CUL2: variants seen among roughly 807,000 people sequenced by gnomAD.
CUL2 encodes the protein cullin-2.
CUL2 carries 22 observed loss-of-function variants against 110.2 expected under a neutral mutation model. That is an observed-to-expected ratio of 0.20 (90% CI 0.14 to 0.28). The LOEUF is 0.28. Among genes scored for constraint, CUL2 ranks in the 10% least tolerant of loss-of-function variants. CUL2 has a pLI of 1.00. For synonymous variants in CUL2, 279 were observed against 293.2 expected (o/e 0.95, Z 0.49); for missense variants, 631 against 905.5 (o/e 0.70, Z 3.89).
chr10:35,034,971 G>C (rs1243055323), intron 10 of CUL2, among the ~76,000 whole-genome samples: 1 of 152,228 alleles, frequency 6.6e-6, no homozygotes, highest in Non-Finnish European at 1.5e-5. Flanking sequence ...CTAAGCAGCA[G>C]CCTATCAATA....
At chr10:35,063,152 AC>A (rs2086426261) in intron 2 of CUL2, 90 bp from the exon 3 acceptor site, 2 of 756,836 alleles carry the variant, frequency 2.6e-6, no homozygotes, top group Non-Finnish European at 4.4e-6. Context: ...AAATGAAAAA[AC>A]ATTTCTTTTT....
intron 2 of CUL2, among the ~76,000 whole-genome samples, chr10:35,069,368 A>C (rs970012880): frequency 4.6e-5 from 7 of 151,838 alleles, no homozygotes; most frequent in African/African-American, 1.7e-4. Flanking sequence ...GTGAGAACTC[A>C]CCTCTACAAA....
At chr10:35,058,341 AC>A (rs979865782) in intron 4 of CUL2, among the ~76,000 whole-genome samples, 7 of 152,002 alleles carry the variant, frequency 4.6e-5, no homozygotes, top group African/African-American at 1.7e-4. Context: ...TATTAGCCAG[AC>A]CCCCGTGGTA....
intron 18 of CUL2, among the ~76,000 whole-genome samples, chr10:35,015,315 A>C (rs957485875): frequency 6.6e-6 from 1 of 151,608 alleles, no homozygotes. Context: ...AAAAAAATCC[A>C]TATTTTGCTA....
chr10:35,040,144 GCT>G (rs373152516), intron 8 of CUL2, among the ~76,000 whole-genome samples: 9 of 152,082 alleles, frequency 5.9e-5, no homozygotes, highest in Middle Eastern at 3.4e-3. Flanking sequence ...TAAGAGCGAG[GCT>G]CTGTCTCAAA....
chr10:35,041,077 G>A (rs2085774896), intron 8 of CUL2, among the ~76,000 whole-genome samples: 1 of 152,156 alleles, frequency 6.6e-6, no homozygotes, highest in African/African-American at 2.4e-5. Context: ...TGGTCTAGAG[G>A]ACAAAAGTGT....
chr10:35,107,610 C>T (rs147641470), intron 1 of CUL2, among the ~76,000 whole-genome samples: 4,108 of 151,846 alleles, frequency 0.027, 181 homozygotes, highest in African/African-American at 0.09. Flanking sequence ...GGGCCTGGCG[C>T]GGTGGCTCAT....
chr10:35,008,683 T>C lies in CUL2; in HGVS notation c.*1628A>G, dbSNP rs1177677936. 1 of 152,194 alleles carries C rather than the reference T, an allele frequency of 6.6e-6. No homozygotes were observed. The highest frequency in any genetic ancestry group is 1.5e-5 in the Non-Finnish European group (1 of 68,040). The allele number at this position is 152,194 out of a possible 1,614,324, so 9.4% of individuals were successfully genotyped here. On this transcript the variant is annotated 3_prime_UTR_variant, in exon 21 of 21. Transcript: ENST00000374749. ...GAAAGGTAAAATGAGAAATACATTA[T>C]ATAAGTCATTATAAGTTCAGTAGAT...
intron 1 of CUL2, chr10:35,074,389 T>A: frequency 3.1e-6 from 2 of 641,502 alleles, no homozygotes; most frequent in Non-Finnish European, 5.6e-6. Context: ...GCCTGATTCA[T>A]ACACTTGCCT....
intron 1 of CUL2, among the ~76,000 whole-genome samples, chr10:35,076,866 T>C (rs111998154): frequency 0.15 from 22,901 of 151,996 alleles, 1,976 homozygotes; most frequent in East Asian, 0.24. Context: ...CTGGCTGACA[T>C]GGTGAAACCC....
chr10:35,103,282 C>A (rs2087407543), intron 1 of CUL2, among the ~76,000 whole-genome samples: 3 of 146,978 alleles, frequency 2.0e-5, no homozygotes, highest in South Asian at 4.3e-4. Flanking sequence ...AGCTGGGACA[C>A]AGGCGCCCGC....
intron 1 of CUL2, among the ~76,000 whole-genome samples, chr10:35,086,200 A>C (rs2087061116): frequency 6.6e-6 from 1 of 151,854 alleles, no homozygotes; most frequent in African/African-American, 2.4e-5. Context: ...AAAAAAAAAA[A>C]GAAACAAGAA....
At chr10:35,010,540 G>T in intron 20 of CUL2, 98 bp from the exon 21 acceptor site, 2 of 1,224,750 alleles carry the variant, frequency 1.6e-6, no homozygotes, top group Non-Finnish European at 1.1e-6. Context: ...ATGTACTGAG[G>T]TTTCAACAAA....
Position 35,037,570 on chromosome 10 carries a change from G to C in CUL2, c.877+1350C>G, listed in dbSNP as rs918209375. The stretch of plus-strand genomic sequence containing the variant: ...GTTGCTGTAAAAAACACGGGGCCAA[G>C]GGTGGTGGCTCGTGTCTATAATCCC... On this transcript the variant is annotated intron_variant, in intron 9 of 20. Transcript: ENST00000374749. Among the ~76,000 whole-genome samples, 27 of 152,180 alleles carry C rather than the reference G, an allele frequency of 1.8e-4. 1 individual carries two copies. The highest frequency in any genetic ancestry group is 1.5e-5 in the Non-Finnish European group (1 of 68,032).
chr10:35,047,606 T>TG (rs1478941341), intron 6 of CUL2, among the ~76,000 whole-genome samples: 1 of 97,552 alleles, frequency 1.0e-5, no homozygotes, highest in Admixed American at 1.1e-4. Flanking sequence ...CAAGACTGTC[T>TG]CAAAAAAAAA....
At chr10:35,117,366 T>C (rs2087621394) in intron 1 of CUL2, among the ~76,000 whole-genome samples, 2 of 152,208 alleles carry the variant, frequency 1.3e-5, no homozygotes, top group African/African-American at 2.4e-5. Context: ...CTCTCGAGTA[T>C]TGGGACTATA....
intron 10 of CUL2, among the ~76,000 whole-genome samples, chr10:35,034,747 T>C (rs2085577251): frequency 6.6e-6 from 1 of 152,204 alleles, no homozygotes; most frequent in Non-Finnish European, 1.5e-5. Context: ...CAGAAGATTA[T>C]TTTAATCTAA....
intron 1 of CUL2, among the ~76,000 whole-genome samples, chr10:35,087,401 A>T (rs1440311616): frequency 6.6e-6 from 1 of 152,186 alleles, no homozygotes. Flanking sequence ...ATGAAGCCAG[A>T]AATTTTTTAA....
intron 1 of CUL2, among the ~76,000 whole-genome samples, chr10:35,079,985 G>A (rs187919472): frequency 6.6e-6 from 1 of 152,314 alleles, no homozygotes; most frequent in Admixed American, 6.5e-5. Flanking sequence ...GCAGGACAGT[G>A]CAAGATTTCA....
Sources: allele counts gnomAD v4.1 joint callset (sites outside exome capture counted in the v4.1 genomes callset), GRCh38; gene constraint gnomAD v4.1.1; transcripts MANE v1.5; gene names NCBI Gene and HGNC (gene_info 2026-07-23, HGNC 2026-07-21).